The following DMXL1 variants were observed in gnomAD, a reference collection of about 807,000 sequenced individuals.
DMXL1 encodes Dmx like 1.
In DMXL1, 99 loss-of-function variants were observed where a neutral mutation model predicts 319.2. The ratio of observed to expected loss-of-function variants is 0.31; its 90% CI spans 0.26 to 0.37. DMXL1 has a LOEUF of 0.37. Ranked by LOEUF, DMXL1 falls within the 10% of genes least tolerant of loss-of-function variation. DMXL1 has a pLI of 1.00. For missense variants in DMXL1, 3,745 were observed against 3,595.6 expected (o/e 1.04, Z -1.06); for synonymous variants, 1,385 against 1,235.2 (o/e 1.12, Z -2.54).
chr5:119,154,571 T>G (rs958554287), intron 19 of DMXL1: 1 of 160,756 alleles, frequency 6.2e-6, no homozygotes, highest in African/African-American at 2.4e-5. Context: ...AGTTTGAAGC[T>G]AGCAGAGGTT....
chr5:119,220,867 A>G, intron 36 of DMXL1, 73 bp from the exon 37 acceptor site: 1 of 1,537,420 alleles, frequency 6.5e-7, no homozygotes, highest in Non-Finnish European at 8.8e-7. Flanking sequence ...ATAAATTCAA[A>G]TTTTAGACCT....
At chr5:119,241,333 A>C (rs925349079) in intron 42 of DMXL1, among the ~76,000 whole-genome samples, 48 of 152,074 alleles carry the variant, frequency 3.2e-4, no homozygotes, top group African/African-American at 1.1e-3. Context: ...AGATCTAGAC[A>C]ATCCTGGCTA....
At chr5:119,166,914 A>C in intron 22 of DMXL1, 133 bp downstream of exon 22, 1 of 666,454 alleles carries the variant, frequency 1.5e-6, no homozygotes, top group South Asian at 2.7e-5. Context: ...ATAACTGTTA[A>C]TATTTAATAA....
chr5:119,119,068 T>G, intron 8 of DMXL1, 64 bp downstream of exon 8: 1 of 1,098,230 alleles, frequency 9.1e-7, no homozygotes, highest in Non-Finnish European at 1.3e-6. Context: ...GCCTTTTTGG[T>G]AACACAGTAA....
At position 119,193,841 on chromosome 5, in the gene DMXL1, C is replaced by T; in HGVS notation, c.7328C>T (p.Ser2443Phe). The T allele has an allele frequency of 6.2e-7, 1 of 1,612,314 alleles. No individual in the cohort carries two copies. The highest frequency in any genetic ancestry group is 2.2e-5 in the East Asian group (1 of 44,748). The change falls in exon 30 of 44, where the codon TCT (serine) becomes TTT (phenylalanine). Residue 2443 changes from serine (S) to phenylalanine (F), a missense_variant. Around this residue, in one of 4 missense-constraint regions of DMXL1, gnomAD observed 1,382 missense variants for 1,269.5 expected, o/e 1.09. Transcript: ENST00000539542. ...TCTTTATTTTAGCCTTTTCTACCCT[C>T]TTCTCAAAGTAGAGCCGAATATGAT... ...DYFIAKPFLP[S>F]SQSRAEYDSE...
chr5:119,138,788 G>A (rs1393965168), intron 13 of DMXL1: 4 of 152,286 alleles, frequency 2.6e-5, no homozygotes, highest in Admixed American at 2.6e-4. Flanking sequence ...AGTGAGCCAA[G>A]ATGACACGAC....
intron 33 of DMXL1, 54 bp from the exon 34 acceptor site, chr5:119,206,780 C>A: frequency 1.9e-6 from 2 of 1,066,458 alleles, no homozygotes; most frequent in African/African-American, 1.6e-5. Context: ...CAGTATTTTG[C>A]ATGTTACATC....
At chr5:119,156,023 C>A (rs1035290262) in intron 19 of DMXL1, among the ~76,000 whole-genome samples, 1 of 152,090 alleles carries the variant, frequency 6.6e-6, no homozygotes, top group African/African-American at 2.4e-5. Flanking sequence ...GGACTGACTC[C>A]AATTTTGAAA....
intron 1 of DMXL1, 62 bp from the exon 2 acceptor site, chr5:119,097,917 G>C: frequency 7.3e-7 from 1 of 1,362,854 alleles, no homozygotes; most frequent in Non-Finnish European, 1.0e-6. Flanking sequence ...GTTAATACTA[G>C]TATTCTACAT....
intron 19 of DMXL1, among the ~76,000 whole-genome samples, chr5:119,161,845 C>T (rs532865972): frequency 6.6e-6 from 1 of 152,186 alleles, no homozygotes; most frequent in Non-Finnish European, 1.5e-5. Context: ...CTTGACTTTG[C>T]AGGTAGGATA....
intron 39 of DMXL1, 115 bp downstream of exon 39, chr5:119,233,582 A>G (rs1787176276): frequency 8.5e-6 from 6 of 703,592 alleles, no homozygotes; most frequent in South Asian, 4.4e-5. Flanking sequence ...GTATTGATCT[A>G]TATAGATGCT....
At chr5:119,099,159 T>A (rs1756656954) in intron 2 of DMXL1, among the ~76,000 whole-genome samples, 1 of 151,360 alleles carries the variant, frequency 6.6e-6, no homozygotes, top group African/African-American at 2.4e-5. Context: ...TATTATGGAA[T>A]GCTGGAAATC....
At chr5:119,233,547 G>GAA in intron 39 of DMXL1, 80 bp downstream of exon 39, 1 of 1,189,908 alleles carries the variant, frequency 8.4e-7, no homozygotes, top group Non-Finnish European at 1.2e-6. Context: ...TTTCTGAAAA[G>GAA]AACAGCTCCG....
intron 31 of DMXL1, among the ~76,000 whole-genome samples, chr5:119,197,377 G>A (rs1471902788): frequency 6.6e-6 from 1 of 152,172 alleles, no homozygotes; most frequent in Non-Finnish European, 1.5e-5. Context: ...TTATGAATTT[G>A]TGTTGGGCTT....
chr5:119,200,261 G>T (rs926509363), intron 32 of DMXL1, among the ~76,000 whole-genome samples: 3 of 152,122 alleles, frequency 2.0e-5, no homozygotes, highest in African/African-American at 7.2e-5. Flanking sequence ...TATGTTGCAA[G>T]GAAGGCATTC....
intron 1 of DMXL1, chr5:119,081,517 C>G: frequency 1.1e-6 from 1 of 949,246 alleles, no homozygotes; most frequent in Non-Finnish European, 1.3e-6. Flanking sequence ...CATCTTCACA[C>G]TTAAGTCAAT....
At chr5:119,083,665 G>A (rs1319736360) in intron 1 of DMXL1, among the ~76,000 whole-genome samples, 1 of 151,548 alleles carries the variant, frequency 6.6e-6, no homozygotes, top group African/African-American at 2.4e-5. Flanking sequence ...CCTCTGCCTC[G>A]GAGTAGCTGG....
intron 22 of DMXL1, 69 bp from the exon 23 acceptor site, chr5:119,167,530 TAGTG>T (rs1328865602): frequency 1.6e-6 from 2 of 1,220,792 alleles, no homozygotes; most frequent in East Asian, 2.5e-5. Flanking sequence ...TTCTAGTTAT[TAGTG>T]AGTTAACAGA....
intron 9 of DMXL1, among the ~76,000 whole-genome samples, chr5:119,125,651 A>C (rs1580860803): frequency 6.8e-6 from 1 of 146,894 alleles, no homozygotes; most frequent in East Asian, 2.0e-4. Context: ...AGCAAACTCC[A>C]CCTCCCGGGT....
Sources: gnomAD v4.1 joint callset for allele counts (sites outside exome capture counted in the v4.1 genomes callset) on GRCh38, gnomAD v4.1.1 for gene constraint, gnomAD v4.1.1 regional missense constraint, MANE v1.5 for transcripts, NCBI Gene and HGNC (gene_info 2026-07-23, HGNC 2026-07-21) for gene names.